PTPRT: variants seen among roughly 807,000 people sequenced by gnomAD.
PTPRT encodes the protein protein tyrosine phosphatase receptor type T.
Under a neutral mutation model 176.8 loss-of-function variants are expected in PTPRT, and 56 were observed. The observed-to-expected ratio is 0.32, with a 90% CI of 0.26 to 0.40. PTPRT has a LOEUF of 0.40. Ranked by LOEUF, PTPRT falls within the 10% of genes least tolerant of loss-of-function variation. The probability of loss-of-function intolerance (pLI) is 1.00; values close to 1 mark genes in which losing one functional copy is unlikely to be tolerated. For missense variants in PTPRT, 1,540 were observed against 1,908.2 expected (o/e 0.81, Z 3.60); for synonymous variants, 783 against 739.0 (o/e 1.06, Z -0.96).
the PTPRT span, among the ~76,000 whole-genome samples, chr20:42,033,729 G>C: frequency 6.6e-6 from 1 of 152,080 alleles, no homozygotes; most frequent in Non-Finnish European, 1.5e-5. Flanking sequence ...GGATGGGAAG[G>C]GTGCCAACAT....
chr20:42,505,174 C>T (rs1022405941), intron 7 of PTPRT, among the ~76,000 whole-genome samples: 7 of 152,114 alleles, frequency 4.6e-5, no homozygotes, highest in African/African-American at 1.2e-4. Flanking sequence ...TCTTAAGTTA[C>T]GTAAATATGC....
At chr20:42,549,010 A>C (rs2072722539) in intron 7 of PTPRT, among the ~76,000 whole-genome samples, 1 of 152,128 alleles carries the variant, frequency 6.6e-6, no homozygotes, top group African/African-American at 2.4e-5. Flanking sequence ...GCAGCTCGGG[A>C]GCATGGACTA....
At position 43,105,693 on chromosome 20, in the gene PTPRT, C is replaced by T. The variant is rs528706022; in HGVS notation, c.88+83953G>A. The stretch of plus-strand genomic sequence containing the variant: ...AGGATTAAAGGTGTGAGCCACCGCA[C>T]CCAGCCTTCTCTGCTCTTTCTCATG... On this transcript the variant is annotated intron_variant, in intron 1 of 30. Coordinates refer to ENST00000373187, the MANE Select transcript of PTPRT (RefSeq NM_007050.6). Among the ~76,000 whole-genome samples, 5 of 152,352 alleles carry T rather than the reference C, an allele frequency of 3.3e-5. No individual in the cohort carries two copies. In the South Asian group the frequency reaches 8.3e-4, roughly 25 times the overall value.
chr20:42,492,074 TTAAC>T (rs2071569880), intron 7 of PTPRT, among the ~76,000 whole-genome samples: 2 of 152,232 alleles, frequency 1.3e-5, no homozygotes, highest in Admixed American at 1.3e-4. Flanking sequence ...TACAGCTTGT[TTAAC>T]TATTCACTCA....
intron 1 of PTPRT, among the ~76,000 whole-genome samples, chr20:43,114,971 T>C (rs2013000849): frequency 6.6e-6 from 1 of 152,170 alleles, no homozygotes; most frequent in South Asian, 2.1e-4. Flanking sequence ...ATAATAACAG[T>C]AATAATAGCC....
At chr20:42,484,232 C>CA (rs1357622498) in intron 7 of PTPRT, among the ~76,000 whole-genome samples, 1 of 151,972 alleles carries the variant, frequency 6.6e-6, no homozygotes, top group Non-Finnish European at 1.5e-5. Flanking sequence ...GATCCTAAGC[C>CA]AAAAAACATA....
intron 5 of PTPRT, among the ~76,000 whole-genome samples, chr20:42,763,617 T>G (rs971978050): frequency 3.3e-5 from 5 of 152,226 alleles, no homozygotes; most frequent in Non-Finnish European, 7.3e-5. Context: ...TGCGTATTCT[T>G]TTCACTTCTA....
chr20:42,620,829 C>T (rs556103527), intron 7 of PTPRT, among the ~76,000 whole-genome samples: 7 of 152,260 alleles, frequency 4.6e-5, no homozygotes, highest in Admixed American at 2.0e-4. Flanking sequence ...CACTGGCCTG[C>T]GCCCACTGTC....
At chr20:42,111,767 G>C (rs1199634266) in intron 22 of PTPRT, among the ~76,000 whole-genome samples, 1 of 152,226 alleles carries the variant, frequency 6.6e-6, no homozygotes, top group African/African-American at 2.4e-5. Flanking sequence ...CTCACAAGTT[G>C]TAAAGGGACC....
intron 7 of PTPRT, among the ~76,000 whole-genome samples, chr20:42,506,572 C>T (rs1355999356): frequency 6.6e-6 from 1 of 152,064 alleles, no homozygotes; most frequent in East Asian, 1.9e-4. Flanking sequence ...TTTCTCCATT[C>T]CAGGTTGTGA....
chr20:42,057,611 C>G, the PTPRT span, among the ~76,000 whole-genome samples: 1 of 151,712 alleles, frequency 6.6e-6, no homozygotes. Context: ...TTTTTAGAAA[C>G]AGGGTCTTGC....
At chr20:42,628,683 T>C (rs1301015531) in intron 7 of PTPRT, among the ~76,000 whole-genome samples, 3 of 152,170 alleles carry the variant, frequency 2.0e-5, no homozygotes, top group East Asian at 1.9e-4. Flanking sequence ...TAATATTCTT[T>C]ATGAATATTA....
chr20:43,083,320 G>GTGTGTATA (rs1299320498), intron 1 of PTPRT, among the ~76,000 whole-genome samples: 1 of 37,386 alleles, frequency 2.7e-5, no homozygotes, highest in African/African-American at 6.6e-5. Context: ...CACTTCAAAT[G>GTGTGTATA]TATATATATA....
intron 1 of PTPRT, among the ~76,000 whole-genome samples, chr20:43,051,063 C>T (rs1245293528): frequency 6.6e-6 from 1 of 152,110 alleles, no homozygotes; most frequent in African/African-American, 2.4e-5. Context: ...AGAGAATGAG[C>T]TCAATAGAGA....
intron 7 of PTPRT, among the ~76,000 whole-genome samples, chr20:42,541,670 A>C (rs532130385): frequency 2.0e-5 from 3 of 151,970 alleles, no homozygotes; most frequent in Non-Finnish European, 4.4e-5. Context: ...TGGAGCAAAT[A>C]ATCAAAAGTT....
intron 9 of PTPRT, among the ~76,000 whole-genome samples, chr20:42,358,558 A>G (rs2058389072): frequency 6.6e-6 from 1 of 152,186 alleles, no homozygotes; most frequent in African/African-American, 2.4e-5. Flanking sequence ...TTCCTCATAG[A>G]GTGTGAAGCT....
At chr20:42,039,170 C>T in the PTPRT span, among the ~76,000 whole-genome samples, 1 of 152,038 alleles carries the variant, frequency 6.6e-6, no homozygotes, top group Non-Finnish European at 1.5e-5. Flanking sequence ...GTGCTTTCTT[C>T]TTTTGTCCCC....
chr20:43,038,780 A>C (rs116542261), intron 1 of PTPRT, among the ~76,000 whole-genome samples: 1,543 of 152,336 alleles, frequency 0.01, 25 homozygotes, highest in African/African-American at 0.035. Flanking sequence ...GCCTAAAACC[A>C]CATCTATTTA....
intron 2 of PTPRT, among the ~76,000 whole-genome samples, chr20:42,794,422 G>C (rs996123504): frequency 3.9e-5 from 6 of 152,114 alleles, no homozygotes; most frequent in Non-Finnish European, 5.9e-5. Flanking sequence ...TCCACCCCCA[G>C]GCCTATTGAG....
Sources: gnomAD v4.1 joint callset for allele counts (sites outside exome capture counted in the v4.1 genomes callset) on GRCh38, gnomAD v4.1.1 for gene constraint, MANE v1.5 for transcripts, NCBI Gene and HGNC (gene_info 2026-07-23, HGNC 2026-07-21) for gene names.